Variants in CLCN1 observed in about 807,000 individuals in gnomAD.
The protein encoded by CLCN1 is chloride voltage-gated channel 1, also known as chloride channel protein 1.
CLCN1 carries 100 observed loss-of-function variants against 114.5 expected under a neutral mutation model. The observed-to-expected ratio is 0.87, with a 90% confidence interval of 0.74 to 1.03. The LOEUF is 1.03. Ranked by LOEUF, CLCN1 falls within the 50% of genes least tolerant of loss-of-function variation. CLCN1 has a pLI of 0.00. For synonymous variants in CLCN1, 485 were observed against 487.1 expected, an observed-to-expected ratio of 1.00 and a Z score of 0.06; for missense variants, 1,188 against 1,250.0, an observed-to-expected ratio of 0.95 and a Z score of 0.75.
chr7:143,329,571 G>A (rs1802667835), intron 7 of CLCN1, among the ~76,000 whole-genome samples: 1 of 152,118 alleles, frequency 6.6e-6, no homozygotes. Context: ...TGGTGGTCCT[G>A]GGGGATTCAA....
intron 12 of CLCN1, among the ~76,000 whole-genome samples, chr7:143,333,521 A>G (rs1180470974): frequency 6.6e-6 from 1 of 152,230 alleles, no homozygotes; most frequent in Non-Finnish European, 1.5e-5. Context: ...TGGATTAATT[A>G]ACCAAATTCC....
At position 143,331,615 on chromosome 7, in the gene CLCN1, C is replaced by T. The variant is rs201714423; in HGVS notation, c.1129C>T (p.Arg377Ter). The change falls in exon 10 of 23, where the codon CGA (arginine) becomes TGA (stop). Residue 377 changes from arginine to a stop codon, truncating the protein, a stop_gained. Transcript: ENST00000343257. LOFTEE classifies it high-confidence loss of function. Reference protein sequence around the residue: ...YLHRQVMLGVRKHKALSQFLA... With the variant: ...YLHRQVMLGV Reference sequence around the variant, plus strand: ...GCATCGCCAAGTCATGCTCGGTGTCCGAAAGCACAAGGCCCTCAGCCAGTT... The same window carrying T: ...GCATCGCCAAGTCATGCTCGGTGTCTGAAAGCACAAGGCCCTCAGCCAGTT... 1.4e-5 allele frequency: 22 copies of T among 1,614,040 alleles called. No homozygotes were observed. The highest frequency in any genetic ancestry group is 6.7e-5 in the Admixed American group (4 of 60,010).
Position 143,350,714 on chromosome 7 carries a change from T to TA in CLCN1, c.2595+60_2595+61insA. 1 of 1,193,340 alleles carries TA rather than the reference T, an allele frequency of 8.4e-7. No homozygotes were observed. 73.9% of individuals were successfully genotyped at this position (1,193,340 alleles called of 1,614,324 possible). ...GGAGGCTGGGCATAGGATAAGGGGATGCAGTGGGGACAGAAGGAATATTAG... is the reference window on the plus strand; with the variant it reads ...GGAGGCTGGGCATAGGATAAGGGGATAGCAGTGGGGACAGAAGGAATATTAG... On this transcript the variant is annotated intron_variant, in intron 22 of 22. Transcript: ENST00000343257. The surrounding 1 kb of genome is among the most constrained non-coding windows in gnomAD (Gnocchi z 5.1).
intron 12 of CLCN1, among the ~76,000 whole-genome samples, chr7:143,335,826 A>AT (rs1016582093): frequency 6.6e-6 from 1 of 151,662 alleles, no homozygotes; most frequent in African/African-American, 2.4e-5. Context: ...CGCCCAGCTA[A>AT]TTTTTTTGTA....
At chr7:143,341,170 T>G (rs1232160503) in intron 14 of CLCN1, among the ~76,000 whole-genome samples, 1 of 152,146 alleles carries the variant, frequency 6.6e-6, no homozygotes, top group East Asian at 1.9e-4. Flanking sequence ...CACAGTATGA[T>G]TCTCGGGTTT....
chr7:143,320,826 C>T (rs781178074), intron 3 of CLCN1, 31 bp downstream of exon 3: 7 of 1,613,340 alleles, frequency 4.3e-6, no homozygotes, highest in African/African-American at 1.3e-5. Context: ...TGCCCACAGC[C>T]GTTTCTGGAG....
At chr7:143,346,276 C>G (rs1175201826) in intron 18 of CLCN1, 25 bp downstream of exon 18, 2 of 1,475,264 alleles carry the variant, frequency 1.4e-6, no homozygotes, top group East Asian at 4.5e-5. Context: ...TCATGCACCC[C>G]AACTCACCCC....
chr7:143,339,461 C>A lies in CLCN1; in HGVS notation c.1472-50C>A. ...AGAGATTGGTTCTGAAAACTGAGAG[C>A]AAGGAACTTGGATCTCGTAACACCT... On this transcript the variant is annotated intron_variant, in intron 13 of 22. Coordinates refer to ENST00000343257, the MANE Select transcript of CLCN1 (RefSeq NM_000083.3). The surrounding 1 kb of genome is among the most constrained non-coding windows in gnomAD (Gnocchi z 4.1). 6.8e-7 allele frequency: 1 copy of A among 1,475,734 alleles called. No individual in the cohort carries two copies. Among genetic ancestry groups the A allele is most frequent in the Non-Finnish European group, 9.5e-7 (1 of 1,053,852 alleles). 91.4% of individuals were successfully genotyped at this position (1,475,734 alleles called of 1,614,324 possible). A position where few individuals can be genotyped will look rare whatever the true frequency, so the allele number is the denominator to read the frequency against.
chr7:143,345,637 G>C lies in CLCN1; in HGVS notation c.2047G>C (p.Glu683Gln), dbSNP rs760351874. The C allele has an allele frequency of 1.2e-5, 19 of 1,564,124 alleles. No individual in the cohort carries two copies. The highest frequency in any genetic ancestry group is 2.7e-5 in the African/African-American group (2 of 73,748). The part of the protein sequence containing the change: ...AAQEMARKLS[E>Q]LPYDGKARLA... ...CCAAGAGATGGCGCGGAAGTTGTCG[G>C]AGCTGCCTTACGACGGGAAGGCGCG... Residue 683 changes from glutamate (E) to glutamine (Q), a missense_variant, in exon 17 of 23, where the codon GAG (glutamate) becomes CAG (glutamine). Glu to Gln is a conservative substitution (Grantham distance 29). Coordinates refer to ENST00000343257, the MANE Select transcript of CLCN1 (RefSeq NM_000083.3).
intron 18 of CLCN1, 90 bp from the exon 19 acceptor site, chr7:143,346,489 C>G: frequency 1.0e-6 from 1 of 973,004 alleles, no homozygotes; most frequent in South Asian, 1.3e-5. Flanking sequence ...AAGTGCAGCT[C>G]TTTGGAGGCA....
rs143146088 is a variant in CLCN1 at position 143,350,432 on chromosome 7, G to A, written c.2464G>A (p.Asp822Asn). 40 of 1,614,040 alleles carry A rather than the reference G, an allele frequency of 2.5e-5. No individual in the cohort carries two copies. The highest frequency in any genetic ancestry group is 5.3e-5 in the African/African-American group (4 of 74,924). Residue 822 changes from aspartate to asparagine, a missense_variant, in exon 21 of 23, where the codon GAC (aspartate) becomes AAC (asparagine). Physicochemically the swap from Asp to Asn is conservative, Grantham distance 23 (BLOSUM62 1). Transcript: ENST00000343257. The surrounding 1 kb of genome is among the most constrained non-coding windows in gnomAD (Gnocchi z 5.1). ...TGTCTGTTTTGATTCCTGCTGTATT[G>A]ACCAGTCTCCCTTCCAGCTGGTGGA... ...QPVCFDSCCI[D>N]QSPFQLVEQT...
At chr7:143,351,406 C>A (rs935076330) in intron 22 of CLCN1, among the ~76,000 whole-genome samples, 188 bp from the exon 23 acceptor site, 6 of 152,032 alleles carry the variant, frequency 3.9e-5, no homozygotes, top group Non-Finnish European at 8.8e-5. Flanking sequence ...CTTTTCTTGT[C>A]CTTTTTCTGT....
intron 16 of CLCN1, among the ~76,000 whole-genome samples, chr7:143,343,064 A>C (rs539167595): frequency 1.3e-5 from 2 of 152,358 alleles, no homozygotes; most frequent in East Asian, 3.9e-4. Flanking sequence ...TGTTCCTGTG[A>C]GTCTCTGGTC....
At chr7:143,325,129 G>A (rs1015628901) in intron 7 of CLCN1, among the ~76,000 whole-genome samples, 6 of 152,266 alleles carry the variant, frequency 3.9e-5, no homozygotes, top group South Asian at 2.1e-4. Context: ...GGATGTAGTC[G>A]GAGAAAGCAG....
Position 143,330,877 on chromosome 7 carries a change from C to T in CLCN1, c.959C>T (p.Ala320Val), listed in dbSNP as rs1478129213. The change falls in exon 8 of 23, where the codon GCA (alanine) becomes GTA (valine). Residue 320 changes from alanine to valine, a missense_variant. Ala to Val is a moderately conservative substitution (Grantham distance 64, BLOSUM62 0). Coordinates refer to ENST00000343257, the MANE Select transcript of CLCN1 (RefSeq NM_000083.3). ...AGCGCCTTTGTGTTTCGAGTGCTGGCAGTGTGGAACAAGGATGCTGGTAAC... is the reference window on the plus strand; with the variant it reads ...AGCGCCTTTGTGTTTCGAGTGCTGGTAGTGTGGAACAAGGATGCTGGTAAC... ...TFSAFVFRVLAVWNKDAVTIT... is the reference protein window; with the variant it reads ...TFSAFVFRVLVVWNKDAVTIT... 1.9e-6 allele frequency: 3 copies of T among 1,614,016 alleles called. No homozygotes were observed. Among genetic ancestry groups the T allele is most frequent in the Non-Finnish European group, 2.5e-6 (3 of 1,180,050 alleles).
rs145150180 is a variant in CLCN1 at position 143,319,706 on chromosome 7, T to A, written c.181-49T>A. ...CTGTCTGCTGGCCTCTGTCTATTAT[T>A]TTTTTAGTCTTCCACAAGGCAGACA... On this transcript the variant is annotated intron_variant, in intron 1 of 22. Transcript: ENST00000343257. 161 of 1,604,928 alleles carry A rather than the reference T, an allele frequency of 1.0e-4. No homozygotes were observed. The Middle Eastern group carries it at 1.3e-3, about 13-fold the overall frequency.
intron 2 of CLCN1, 81 bp from the exon 3 acceptor site, chr7:143,320,583 C>CTCTG: frequency 8.8e-7 from 1 of 1,132,328 alleles, no homozygotes; most frequent in Non-Finnish European, 1.3e-6. Context: ...CTCTCTCTCT[C>CTCTG]TCTGTCTCTA....
Position 143,324,010 on chromosome 7 carries a change from C to T in CLCN1, c.775-404C>T, listed in dbSNP as rs1802518661. 3 of 385,516 alleles carry T rather than the reference C, an allele frequency of 7.8e-6. No homozygotes were observed. Among genetic ancestry groups the T allele is most frequent in the African/African-American group, 6.3e-5 (3 of 47,802 alleles). The allele number at this position is 385,516 out of a possible 1,614,324, so 23.9% of individuals were successfully genotyped here. On this transcript the variant is annotated intron_variant, in intron 6 of 22. Coordinates refer to ENST00000343257, the MANE Select transcript of CLCN1 (RefSeq NM_000083.3). The surrounding 1 kb of genome is among the most constrained non-coding windows in gnomAD (Gnocchi z 4.6). ...TCCAGGGAATGACTGTGGATCACAGCCCCTGCGGTCCAGATACCTATATTT... is the reference window on the plus strand; with the variant it reads ...TCCAGGGAATGACTGTGGATCACAGTCCCTGCGGTCCAGATACCTATATTT...
In CLCN1 at chr7:143,324,532, G is replaced by A. The variant is rs756131938; in HGVS notation, c.853+40G>A. The A allele has an allele frequency of 1.5e-5, 23 of 1,503,122 alleles. No individual in the cohort carries two copies. The highest frequency in any genetic ancestry group is 1.7e-5 in the Non-Finnish European group (18 of 1,079,254). The allele number at this position is 1,503,122 out of a possible 1,614,324, so 93.1% of individuals were successfully genotyped here. A position where few individuals can be genotyped will look rare whatever the true frequency, so the allele number is the denominator to read the frequency against. ...CCCTCCCCCATCAATCGGCTTGCCT[G>A]GCCTGGCTCCCAAAACAGTTTTAAT... On this transcript the variant is annotated intron_variant, in intron 7 of 22. Transcript: ENST00000343257. The surrounding 1 kb of genome is among the most constrained non-coding windows in gnomAD (Gnocchi z 4.6).
Sources: allele counts gnomAD v4.1 joint callset (sites outside exome capture counted in the v4.1 genomes callset), GRCh38; gene constraint gnomAD v4.1.1; non-coding constraint Gnocchi (gnomAD v3.1); transcripts MANE v1.5; gene names NCBI Gene and HGNC (gene_info 2026-07-23, HGNC 2026-07-21).